TMPRSS6: variants seen among roughly 807,000 people sequenced by gnomAD.
The protein encoded by TMPRSS6 is transmembrane protease serine 6.
Under a neutral mutation model 101.5 loss-of-function variants are expected in TMPRSS6, and 67 were observed. The ratio of observed to expected loss-of-function variants is 0.66; its 90% CI spans 0.54 to 0.81. The LOEUF is 0.81. TMPRSS6 is among the 30% of genes least tolerant of loss of function. TMPRSS6 has a pLI of 0.00. For synonymous variants in TMPRSS6, 453 were observed against 464.9 expected (o/e 0.97, Z 0.33); for missense variants, 1,034 against 1,088.7 (o/e 0.95, Z 0.71).
rs774725666 is a variant in TMPRSS6 at position 37,103,236 on chromosome 22, A to G, written c.182T>C (p.Val61Ala). ...GTTACCTAGGAAATACCAGAGTAGC[A>G]CCCCCGCCGAAGCCAGCACGAGCAG... ...LALLVLASAGVLLWYFLGYKA... is the reference protein window; with the variant it reads ...LALLVLASAGALLWYFLGYKA... The change falls in exon 2 of 18, where the codon GTG becomes GCG. Residue 61 changes from valine (V) to alanine (A), a missense_variant. Val to Ala is a moderately conservative substitution (Grantham distance 64). Coordinates refer to ENST00000676104, the MANE Select transcript of TMPRSS6 (RefSeq NM_001374504.1). The surrounding 1 kb of genome is among the most constrained non-coding windows in gnomAD (Gnocchi z 4.4). The G allele has an allele frequency of 6.2e-7, 1 of 1,613,060 alleles. No individual in the cohort carries two copies. The highest frequency in any genetic ancestry group is 8.5e-7 in the Non-Finnish European group (1 of 1,179,664).
chr22:37,089,743 AGGACCTGG>A lies in TMPRSS6; in HGVS notation c.663_670del (p.Gln222ProfsTer6). ...CAGGTGGTCAGGCCCCTTCAGCCGG[AGGACCTGG>A]CCCTGGCCCACGTAGCTGTAGCGGT... On this transcript the variant is annotated frameshift_variant, in exon 7 of 18. Coordinates refer to ENST00000676104, the MANE Select transcript of TMPRSS6 (RefSeq NM_001374504.1). LOFTEE classifies it high-confidence loss of function. The A allele has an allele frequency of 6.2e-7, 1 of 1,612,650 alleles. No homozygotes were observed. Among genetic ancestry groups the A allele is most frequent in the Non-Finnish European group, 8.5e-7 (1 of 1,179,746 alleles).
At chr22:37,082,664 A>G (rs1379519231) in intron 10 of TMPRSS6, 3 of 294,902 alleles carry the variant, frequency 1.0e-5, no homozygotes, top group African/African-American at 2.3e-5. Flanking sequence ...CAGACAGCAC[A>G]GGCCTGACAT....
rs762528765 is a variant in TMPRSS6, at chr22:37,086,403, G to A, written c.853C>T (p.Arg285Cys). 1.5e-5 allele frequency: 24 copies of A among 1,592,084 alleles called. No homozygotes were observed. The highest frequency in any genetic ancestry group is 3.4e-5 in the South Asian group (3 of 88,388). ...AGAACCTCCACCACGGGCTCCTGGC[G>A]GCTGCAGCCGTACACCCTGGCAGAA... is the stretch of plus-strand genomic sequence containing the variant. Reference protein sequence around the residue: ...RLITSVYGCSRQEPVVEVLAS... With the variant: ...RLITSVYGCSCQEPVVEVLAS... Residue 285 changes from arginine (R) to cysteine (C), a missense_variant, in exon 8 of 18, where the codon CGC becomes TGC. By Grantham distance (180) the Arg-to-Cys change is radical (BLOSUM62 -3). Transcript: ENST00000676104.
At chr22:37,093,550 G>A (rs539563562) in intron 6 of TMPRSS6, among the ~76,000 whole-genome samples, 22 of 150,192 alleles carry the variant, frequency 1.5e-4, no homozygotes, top group Middle Eastern at 3.4e-3. Flanking sequence ...CTACAGGTGC[G>A]CACCACCATG....
chr22:37,078,884 G>C (rs73415563), intron 10 of TMPRSS6, among the ~76,000 whole-genome samples: 2,820 of 128,414 alleles, frequency 0.022, 113 homozygotes, highest in African/African-American at 0.081. Flanking sequence ...GGGAGAAGAA[G>C]GGAAAAGGAG....
chr22:37,098,191 C>T (rs1929990108), intron 3 of TMPRSS6, among the ~76,000 whole-genome samples: 1 of 152,088 alleles, frequency 6.6e-6, no homozygotes. Flanking sequence ...TGCTCCACCC[C>T]TGGTAAGAGG....
In TMPRSS6 at chr22:37,069,040, C is replaced by G; in HGVS notation, c.2113+33G>C. 6.5e-7 allele frequency: 1 copy of G among 1,534,040 alleles called. No individual in the cohort carries two copies. Among genetic ancestry groups the G allele is most frequent in the Non-Finnish European group, 8.7e-7 (1 of 1,146,444 alleles). ...TACGGCGCAGATCCGCACGGTCTCCCTCCGCCTCCCGCCGCAAGTCCCCGC... is the reference window on the plus strand; with the variant it reads ...TACGGCGCAGATCCGCACGGTCTCCGTCCGCCTCCCGCCGCAAGTCCCCGC... On this transcript the variant is annotated intron_variant, in intron 16 of 17. Coordinates refer to ENST00000676104, the MANE Select transcript of TMPRSS6 (RefSeq NM_001374504.1). The surrounding 1 kb of genome is among the most constrained non-coding windows in gnomAD (Gnocchi z 4.8).
At chr22:37,087,499 G>C (rs1189435189) in intron 7 of TMPRSS6, among the ~76,000 whole-genome samples, 1 of 152,174 alleles carries the variant, frequency 6.6e-6, no homozygotes, top group East Asian at 1.9e-4. Flanking sequence ...CTCCCTGGGA[G>C]GGTCTTGGTG....
At position 37,084,350 on chromosome 22, in the gene TMPRSS6, T is replaced by G. The variant is rs745340175; in HGVS notation, c.1141A>C (p.Arg381=). Residue 381 remains arginine, a synonymous_variant, in exon 10 of 18, where the codon AGG becomes CGG. Coordinates refer to ENST00000676104, the MANE Select transcript of TMPRSS6 (RefSeq NM_001374504.1). ...GTGCACGGCAAATCATACTTCTGCC[T>G]CCTCAGTGCATAGGCATCAAACCAG... is the stretch of plus-strand genomic sequence containing the variant. ...ALWFDAYALR[R]QKYDLPCTQG... 1.2e-6 allele frequency: 2 copies of G among 1,613,616 alleles called. No individual in the cohort carries two copies. The highest frequency in any genetic ancestry group is 1.7e-6 in the Non-Finnish European group (2 of 1,179,784).
At chr22:37,086,932 A>G (rs1053120413) in intron 7 of TMPRSS6, among the ~76,000 whole-genome samples, 3 of 152,140 alleles carry the variant, frequency 2.0e-5, no homozygotes, top group African/African-American at 7.2e-5. Flanking sequence ...GGAGGCTCGG[A>G]ACAAATAACC....
chr22:37,103,887 T>C lies in TMPRSS6; in HGVS notation c.-1-469A>G, dbSNP rs1446674358. 6.6e-6 allele frequency among the ~76,000 whole-genome samples: 1 copy of C among 152,184 alleles called. No homozygotes were observed. The highest frequency in any genetic ancestry group is 1.5e-5 in the Non-Finnish European group (1 of 68,030). ...CTTCCCACCACGCCCACACAGTCCA[T>C]GCACTTAGCCCCCGCCCCAGAATCC... On this transcript the variant is annotated intron_variant, in intron 1 of 17. Transcript: ENST00000676104. The surrounding 1 kb of genome is among the most constrained non-coding windows in gnomAD (Gnocchi z 4.4).
chr22:37,087,592 C>T (rs970021329), intron 7 of TMPRSS6, among the ~76,000 whole-genome samples: 5 of 152,054 alleles, frequency 3.3e-5, no homozygotes, highest in Non-Finnish European at 7.4e-5. Context: ...CCACCCCCCT[C>T]ACCCCCCAGG....
rs1484909384 is a variant in TMPRSS6 at position 37,069,443 on chromosome 22, G to A, written c.1842-99C>T. ...CCTCAAGATAGCCAGATCCCCGCCC[G>A]GGACAGTGCCCTCCACACCCAGCCC... On this transcript the variant is annotated intron_variant, in intron 15 of 17. Coordinates refer to ENST00000676104, the MANE Select transcript of TMPRSS6 (RefSeq NM_001374504.1). The surrounding 1 kb of genome is among the most constrained non-coding windows in gnomAD (Gnocchi z 4.8). The A allele has an allele frequency of 1.3e-5, 16 of 1,187,488 alleles. No homozygotes were observed. Among genetic ancestry groups the A allele is most frequent in the Non-Finnish European group, 1.6e-5 (14 of 848,692 alleles). 73.6% of individuals were successfully genotyped at this position (1,187,488 alleles called of 1,614,324 possible).
chr22:37,105,671 G>A (rs1317739820), intron 1 of TMPRSS6, among the ~76,000 whole-genome samples: 2 of 152,068 alleles, frequency 1.3e-5, no homozygotes, highest in East Asian at 1.9e-4. Context: ...TATTCCCGTC[G>A]CACCCCTTTT....
intron 12 of TMPRSS6, among the ~76,000 whole-genome samples, 160 bp downstream of exon 12, chr22:37,074,450 T>C (rs1927426531): frequency 1.3e-5 from 2 of 152,172 alleles, no homozygotes. Context: ...CTGGTCTGTC[T>C]CATTTTGCCA....
Position 37,073,650 on chromosome 22 carries a change from G to T in TMPRSS6, c.1442-5C>A. ...ACTGGAATGTGGCTCTGCAAACTGT[G>T]TGGGGACACAGAGAGGGGACAGGTG... On this transcript the variant is annotated splice_polypyrimidine_tract_variant and splice_region_variant and intron_variant, in intron 12 of 17. Coordinates refer to ENST00000676104, the MANE Select transcript of TMPRSS6 (RefSeq NM_001374504.1). 1.2e-6 allele frequency: 2 copies of T among 1,607,138 alleles called. No homozygotes were observed. Among genetic ancestry groups the T allele is most frequent in the Non-Finnish European group, 1.7e-6 (2 of 1,173,676 alleles).
chr22:37,084,109 C>T (rs928261637), intron 10 of TMPRSS6, 186 bp downstream of exon 10: 12 of 635,110 alleles, frequency 1.9e-5, no homozygotes, highest in Middle Eastern at 3.4e-4. Context: ...GGGGCCAGGG[C>T]GGAGGCTGGG....
chr22:37,074,504 G>A (rs1201786207), intron 12 of TMPRSS6, 106 bp downstream of exon 12: 1 of 1,085,410 alleles, frequency 9.2e-7, no homozygotes, highest in Non-Finnish European at 1.4e-6. Context: ...TGCTCATAAT[G>A]GAAGCTGCAT....
In TMPRSS6 at chr22:37,075,091, G is replaced by A. The variant is rs770228691; in HGVS notation, c.1342+44C>T. ...TGGTGGTTCCAGGGATGGCCAAGAG[G>A]CAGCGAGTCACTGCAGGGGGTTCCC... is the stretch of plus-strand genomic sequence containing the variant. On this transcript the variant is annotated intron_variant, in intron 11 of 17. Transcript: ENST00000676104. The A allele has an allele frequency of 5.0e-6, 8 of 1,613,498 alleles. No homozygotes were observed. In the South Asian group the frequency reaches 7.7e-5, roughly 16 times the overall value.
Sources: gnomAD v4.1 joint callset for allele counts (sites outside exome capture counted in the v4.1 genomes callset) on GRCh38, gnomAD v4.1.1 for gene constraint, Gnocchi (gnomAD v3.1) non-coding constraint, MANE v1.5 for transcripts, NCBI Gene and HGNC (gene_info 2026-07-23, HGNC 2026-07-21) for gene names.